The following KCNT2 variants were observed in gnomAD, a reference collection of about 807,000 sequenced individuals.
The protein encoded by KCNT2 is potassium sodium-activated channel subfamily T member 2.
KCNT2 carries 67 observed loss-of-function variants against 153.8 expected under a neutral mutation model. The ratio of observed to expected loss-of-function variants is 0.44; its 90% confidence interval spans 0.36 to 0.53. KCNT2 has a LOEUF of 0.53. Among genes scored for constraint, KCNT2 ranks in the 20% least tolerant of loss-of-function variants. The pLI is 0.00. For missense variants in KCNT2, 975 were observed against 1,354.8 expected (o/e 0.72, Z 4.40); for synonymous variants, 500 against 458.8 (o/e 1.09, Z -1.15).
intron 14 of KCNT2, among the ~76,000 whole-genome samples, chr1:196,369,720 T>A (rs1668355329): frequency 1.3e-5 from 2 of 152,166 alleles, no homozygotes; most frequent in Admixed American, 6.6e-5. Flanking sequence ...TAATCCAGTC[T>A]ATCATTGTTG....
chr1:196,394,396 C>A (rs1467828128), intron 13 of KCNT2, among the ~76,000 whole-genome samples: 1 of 151,524 alleles, frequency 6.6e-6, no homozygotes, highest in Non-Finnish European at 1.5e-5. Flanking sequence ...GGTAGTACAA[C>A]CGATAGGACA....
chr1:196,292,612 C>G (rs1660290547), intron 22 of KCNT2, among the ~76,000 whole-genome samples: 1 of 152,014 alleles, frequency 6.6e-6, no homozygotes, highest in Non-Finnish European at 1.5e-5. Context: ...CGAGACCATC[C>G]TGGCTAACGC....
intron 13 of KCNT2, among the ~76,000 whole-genome samples, chr1:196,379,356 A>G (rs1336657328): frequency 6.6e-6 from 1 of 152,064 alleles, no homozygotes; most frequent in Non-Finnish European, 1.5e-5. Context: ...ACATCATCTG[A>G]GGTCAGGAGT....
chr1:196,243,584 C>G (rs1342765629), intron 26 of KCNT2, among the ~76,000 whole-genome samples: 1 of 152,106 alleles, frequency 6.6e-6, no homozygotes, highest in Non-Finnish European at 1.5e-5. Flanking sequence ...CAATGCTGCC[C>G]TGGAACAGTG....
chr1:196,579,225 A>G (rs568757296), intron 1 of KCNT2, among the ~76,000 whole-genome samples: 66 of 152,270 alleles, frequency 4.3e-4, no homozygotes, highest in Non-Finnish European at 7.5e-4. Context: ...ACGCAGGGAC[A>G]GAAAACCAAA....
At chr1:196,231,308 C>T (rs1653931614) in intron 27 of KCNT2, among the ~76,000 whole-genome samples, 2 of 151,926 alleles carry the variant, frequency 1.3e-5, no homozygotes, top group South Asian at 4.1e-4. Context: ...AAGTGACTGG[C>T]TTGATTGCAA....
At chr1:196,600,166 A>T (rs1028372763) in intron 1 of KCNT2, among the ~76,000 whole-genome samples, 2 of 152,182 alleles carry the variant, frequency 1.3e-5, no homozygotes, top group African/African-American at 4.8e-5. Context: ...CCAGCTACAG[A>T]GAATCCAACA....
intron 13 of KCNT2, among the ~76,000 whole-genome samples, chr1:196,388,260 T>G (rs1315515106): frequency 6.6e-6 from 1 of 151,816 alleles, no homozygotes; most frequent in East Asian, 1.9e-4. Context: ...TCCATTGATC[T>G]ATTTGTCTAT....
At chr1:196,472,662 A>G (rs1678200972) in intron 5 of KCNT2, among the ~76,000 whole-genome samples, 1 of 152,204 alleles carries the variant, frequency 6.6e-6, no homozygotes, top group Non-Finnish European at 1.5e-5. Flanking sequence ...TCCCTGACTT[A>G]TCTCCCAGTA....
chr1:196,447,891 G>A (rs1290096960), intron 8 of KCNT2, among the ~76,000 whole-genome samples: 1 of 151,086 alleles, frequency 6.6e-6, no homozygotes, highest in African/African-American at 2.4e-5. Context: ...TCAGGCCACC[G>A]AGAGCAGGAA....
At chr1:196,439,343 A>C (rs554340426) in intron 8 of KCNT2, among the ~76,000 whole-genome samples, 6 of 152,076 alleles carry the variant, frequency 3.9e-5, no homozygotes, top group African/African-American at 1.4e-4. Context: ...ATTTGTCCTT[A>C]AACACTTTTT....
At chr1:196,371,251 C>G (rs1054941114) in intron 14 of KCNT2, among the ~76,000 whole-genome samples, 2 of 108,226 alleles carry the variant, frequency 1.8e-5, no homozygotes, top group African/African-American at 1.0e-4. Flanking sequence ...AAAAAAAAAG[C>G]CTGGCATGGT....
chr1:196,303,104 T>G (rs1364142661), intron 22 of KCNT2, among the ~76,000 whole-genome samples: 1 of 152,122 alleles, frequency 6.6e-6, no homozygotes, highest in African/African-American at 2.4e-5. Context: ...AAATCCTTTC[T>G]CTGTCAAAAA....
At chr1:196,425,494 G>T (rs544460733) in intron 11 of KCNT2, among the ~76,000 whole-genome samples, 1 of 152,002 alleles carries the variant, frequency 6.6e-6, no homozygotes, top group Non-Finnish European at 1.5e-5. Context: ...TTATATGTGG[G>T]ATAAAAACAG....
At chr1:196,286,439 T>A (rs1471479677) in intron 22 of KCNT2, among the ~76,000 whole-genome samples, 1 of 152,074 alleles carries the variant, frequency 6.6e-6, no homozygotes, top group African/African-American at 2.4e-5. Context: ...CAGTGAGAAA[T>A]TAATATCTGG....
intron 25 of KCNT2, among the ~76,000 whole-genome samples, chr1:196,278,725 A>G (rs561160599): frequency 5.8e-4 from 88 of 152,302 alleles, no homozygotes; most frequent in Admixed American, 2.6e-3. Flanking sequence ...CAATTCCCAA[A>G]GCCTATATGT....
intron 23 of KCNT2, among the ~76,000 whole-genome samples, chr1:196,283,001 C>T (rs1659261890): frequency 1.3e-5 from 2 of 152,224 alleles, no homozygotes; most frequent in South Asian, 2.1e-4. Flanking sequence ...TGCGCCATGG[C>T]GCCTGGCTAA....
chr1:196,542,078 A>G (rs1313551909), intron 1 of KCNT2, among the ~76,000 whole-genome samples: 1 of 152,042 alleles, frequency 6.6e-6, no homozygotes, highest in African/African-American at 2.4e-5. Context: ...AAAGTTATAT[A>G]TAAAACATAA....
chr1:196,451,407 A>ATTTT (rs35621901), intron 8 of KCNT2, among the ~76,000 whole-genome samples: 1 of 62,874 alleles, frequency 1.6e-5, no homozygotes. Context: ...CACCCAACAC[A>ATTTT]TTTTTTTTTT....
Sources: allele counts gnomAD v4.1 joint callset (sites outside exome capture counted in the v4.1 genomes callset), GRCh38; gene constraint gnomAD v4.1.1; transcripts MANE v1.5; gene names NCBI Gene and HGNC (gene_info 2026-07-23, HGNC 2026-07-21).